Variants in SCUBE2 observed in about 807,000 individuals in gnomAD.
SCUBE2 encodes the protein signal peptide, CUB and EGF-like domain-containing protein 2.
Under a neutral mutation model 125.9 loss-of-function variants are expected in SCUBE2, and 114 were observed. The observed-to-expected ratio is 0.91, with a 90% CI of 0.78 to 1.06. SCUBE2 has a LOEUF of 1.06. Ranked by LOEUF, SCUBE2 falls within the 50% of genes least tolerant of loss-of-function variation. The pLI, the probability that SCUBE2 is intolerant of heterozygous loss-of-function variation, is 0.00. For synonymous variants in SCUBE2, 459 were observed against 492.9 expected, an observed-to-expected ratio of 0.93 and a Z score of 0.91; for missense variants, 1,255 against 1,301.8, an observed-to-expected ratio of 0.96 and a Z score of 0.55.
At position 9,066,724 on chromosome 11, in the gene SCUBE2, T is replaced by A; in HGVS notation, c.733A>T (p.Met245Leu). 1 of 1,614,122 alleles carries A rather than the reference T, an allele frequency of 6.2e-7. No individual in the cohort carries two copies. Among genetic ancestry groups the A allele is most frequent in the Non-Finnish European group, 8.5e-7 (1 of 1,179,992 alleles). Residue 245 changes from methionine to leucine, a missense_variant, in exon 6 of 23, where the codon ATG (methionine) becomes TTG (leucine). Physicochemically the swap from Met to Leu is conservative, Grantham distance 15. Around this residue, in one of 3 missense-constraint regions of SCUBE2, gnomAD observed 362 missense variants for 323.0 expected, o/e 1.12. Coordinates refer to ENST00000649792, the MANE Select transcript of SCUBE2 (RefSeq NM_001367977.2). ...PECSCHPQYK[M>L]HTDGRSCLER... ...AGGCAGCTCCTCCCATCTGTGTGCA[T>A]CTTGTACTGTGGATGGCAGCTGCAC...
At chr11:9,067,889 T>A (rs1355651969) in intron 5 of SCUBE2, among the ~76,000 whole-genome samples, 1 of 100,354 alleles carries the variant, frequency 1.0e-5, no homozygotes, top group Non-Finnish European at 1.8e-5. Flanking sequence ...AACTGTTCCC[T>A]GAAAGACTAT....
Position 9,091,331 on chromosome 11 carries a change from G to A in SCUBE2, c.133+65C>T. The A allele has an allele frequency of 1.7e-6, 2 of 1,163,604 alleles. No individual in the cohort carries two copies. Among genetic ancestry groups the A allele is most frequent in the Non-Finnish European group, 2.2e-6 (2 of 923,154 alleles). 72.1% of individuals were successfully genotyped at this position (1,163,604 alleles called of 1,614,324 possible). ...CGCGCCCGGCTCTGGACTCCGCCGG[G>A]GACCTAAACACTCTTCCTGGCCCTG... On this transcript the variant is annotated intron_variant, in intron 1 of 22. Transcript: ENST00000649792. This position sits in a 1 kb window ranked among gnomAD's most constrained non-coding sequence, Gnocchi z 8.5.
chr11:9,041,943 T>C (rs191773584), intron 16 of SCUBE2, among the ~76,000 whole-genome samples: 2 of 152,180 alleles, frequency 1.3e-5, no homozygotes, highest in East Asian at 3.9e-4. Flanking sequence ...GAGAACAGGC[T>C]CCAGCTTGAG....
intron 14 of SCUBE2, among the ~76,000 whole-genome samples, chr11:9,048,635 G>C (rs1019142256): frequency 1.3e-5 from 2 of 152,142 alleles, no homozygotes; most frequent in Non-Finnish European, 2.9e-5. Flanking sequence ...AGCAATAAAT[G>C]GTACAAAGCA....
At chr11:9,062,441 G>A (rs971887621) in intron 7 of SCUBE2, among the ~76,000 whole-genome samples, 1 of 152,182 alleles carries the variant, frequency 6.6e-6, no homozygotes, top group Non-Finnish European at 1.5e-5. Context: ...CAAACATGAA[G>A]CCCACAAATC....
At chr11:9,023,203 A>G (rs1855455741) in intron 21 of SCUBE2, among the ~76,000 whole-genome samples, 3 of 152,326 alleles carry the variant, frequency 2.0e-5, no homozygotes, top group South Asian at 2.1e-4. Flanking sequence ...CATGTGCGAC[A>G]AAGCCAAACA....
chr11:9,069,444 T>C lies in SCUBE2; in HGVS notation c.569A>G (p.Glu190Gly). ...ACAGGCGACGCTGCCCCTTGGGGCCTCCTTGCAGATGTGACTACAGCCGTG... is the reference window on the plus strand; with the variant it reads ...ACAGGCGACGCTGCCCCTTGGGGCCCCCTTGCAGATGTGACTACAGCCGTG... ...KDHGCSHICK[E>G]APRGSVACEC... The change falls in exon 5 of 23, where the codon GAG (glutamate) becomes GGG (glycine). Residue 190 changes from glutamate (E) to glycine (G), a missense_variant. By Grantham distance (98) the Glu-to-Gly change is moderately conservative (BLOSUM62 -2). Transcript: ENST00000649792. 1.2e-6 allele frequency: 2 copies of C among 1,614,246 alleles called. No individual in the cohort carries two copies. The highest frequency in any genetic ancestry group is 1.7e-6 in the Non-Finnish European group (2 of 1,180,028).
chr11:9,047,422 G>A lies in SCUBE2; in HGVS notation c.1936C>T (p.Pro646Ser). The change falls in exon 16 of 23, where the codon CCC (proline) becomes TCC (serine). Residue 646 changes from proline (P) to serine (S), a missense_variant. Physicochemically the swap from Pro to Ser is moderately conservative, Grantham distance 74. Coordinates refer to ENST00000649792, the MANE Select transcript of SCUBE2 (RefSeq NM_001367977.2). ...GMNLDVAKKP[P>S]RTSERQAESC... ...TCTGCCTGGCGTTCAGATGTTCTGG[G>A]AGGCTTTTTAGCCACGTCGAGGTTC... 6.2e-7 allele frequency: 1 copy of A among 1,614,092 alleles called. No individual in the cohort carries two copies. Among genetic ancestry groups the A allele is most frequent in the Non-Finnish European group, 8.5e-7 (1 of 1,180,034 alleles).
At chr11:9,043,264 A>G (rs1484403850) in intron 16 of SCUBE2, among the ~76,000 whole-genome samples, 2 of 150,128 alleles carry the variant, frequency 1.3e-5, no homozygotes, top group Non-Finnish European at 2.9e-5. Context: ...ACATACATAC[A>G]TACATACATA....
chr11:9,088,112 C>T (rs901648857), intron 2 of SCUBE2, among the ~76,000 whole-genome samples: 1 of 152,216 alleles, frequency 6.6e-6, no homozygotes, highest in African/African-American at 2.4e-5. Flanking sequence ...TCAGAGGCCA[C>T]AGTATGAAAC....
At chr11:9,087,702 C>T (rs1862225821) in intron 2 of SCUBE2, among the ~76,000 whole-genome samples, 1 of 152,228 alleles carries the variant, frequency 6.6e-6, no homozygotes, top group Non-Finnish European at 1.5e-5. Flanking sequence ...CAGATCCAAA[C>T]TTGCCCGTCA....
At chr11:9,029,431 A>G (rs1213200363) in intron 19 of SCUBE2, among the ~76,000 whole-genome samples, 11 of 151,636 alleles carry the variant, frequency 7.3e-5, no homozygotes. Flanking sequence ...ACCTTCTCAC[A>G]CCCTCCAGAA....
At chr11:9,035,665 CTGTTA>C (rs1305410119) in intron 16 of SCUBE2, among the ~76,000 whole-genome samples, 1 of 151,896 alleles carries the variant, frequency 6.6e-6, no homozygotes, top group Non-Finnish European at 1.5e-5. Flanking sequence ...GGAACGTTCT[CTGTTA>C]TAAGAAATAA....
intron 16 of SCUBE2, 21 bp from the exon 17 acceptor site, chr11:9,033,817 C>A: frequency 6.2e-7 from 1 of 1,613,496 alleles, no homozygotes; most frequent in Non-Finnish European, 8.5e-7. Flanking sequence ...GGGAAACAAC[C>A]TGGTCAGTGT....
intron 7 of SCUBE2, among the ~76,000 whole-genome samples, chr11:9,062,089 A>C (rs1189765517): frequency 6.6e-6 from 1 of 152,234 alleles, no homozygotes; most frequent in African/African-American, 2.4e-5. Context: ...CAAGGGCACC[A>C]GGAATAGCAG....
rs1006526254 is a variant in SCUBE2, at chr11:9,046,250, T to C, written c.2002+1106A>G. On this transcript the variant is annotated intron_variant, in intron 16 of 22. Coordinates refer to ENST00000649792, the MANE Select transcript of SCUBE2 (RefSeq NM_001367977.2). The stretch of plus-strand genomic sequence containing the variant: ...GTCTCGATCTCCTGACCTCGTGATC[T>C]GCCCGCCTTGGCCTCCCAAAGTGCT... 2.0e-5 allele frequency among the ~76,000 whole-genome samples: 3 copies of C among 152,092 alleles called. No individual in the cohort carries two copies. The South Asian group carries it at 6.2e-4, about 32-fold the overall frequency.
chr11:9,066,639 G>C, intron 6 of SCUBE2, 58 bp downstream of exon 6: 9 of 1,353,472 alleles, frequency 6.6e-6, no homozygotes, highest in Non-Finnish European at 9.5e-6. Context: ...TTAAGGGGTA[G>C]GGGTAGGGAC....
intron 4 of SCUBE2, among the ~76,000 whole-genome samples, chr11:9,069,736 A>C (rs1860599695): frequency 6.6e-6 from 1 of 152,192 alleles, no homozygotes. Flanking sequence ...AGCCTTCCCA[A>C]TACACTGGAG....
At chr11:9,075,932 C>T (rs970239137) in intron 3 of SCUBE2, among the ~76,000 whole-genome samples, 1 of 152,126 alleles carries the variant, frequency 6.6e-6, no homozygotes, top group African/African-American at 2.4e-5. Context: ...CATGGAAGGC[C>T]AGTGCTGGGT....
Sources: gnomAD v4.1 joint callset for allele counts (sites outside exome capture counted in the v4.1 genomes callset) on GRCh38, gnomAD v4.1.1 for gene constraint, gnomAD v4.1.1 regional missense constraint, Gnocchi (gnomAD v3.1) non-coding constraint, MANE v1.5 for transcripts, NCBI Gene and HGNC (gene_info 2026-07-23, HGNC 2026-07-21) for gene names.